The following CFAP299 variants were observed in gnomAD, a reference collection of about 807,000 sequenced individuals.
The protein encoded by CFAP299 is cilia- and flagella-associated protein 299.
Under a neutral mutation model 27.0 loss-of-function variants are expected in CFAP299, and 21 were observed. The ratio of observed to expected loss-of-function variants is 0.78; its 90% CI spans 0.55 to 1.12. The LOEUF is 1.12. Among genes scored for constraint, CFAP299 ranks in the 50% most tolerant of loss-of-function variants. The probability of loss-of-function intolerance (pLI) is 0.00; values close to 1 mark genes in which losing one functional copy is unlikely to be tolerated. For synonymous variants in CFAP299, 104 were observed against 98.1 expected, an observed-to-expected ratio of 1.06 and a Z score of -0.36; for missense variants, 310 against 276.6, an observed-to-expected ratio of 1.12 and a Z score of -0.86.
intron 5 of CFAP299, among the ~76,000 whole-genome samples, chr4:80,961,854 G>A (rs1164981733): frequency 6.6e-6 from 1 of 151,908 alleles, no homozygotes; most frequent in Non-Finnish European, 1.5e-5. Context: ...TGTCACACAA[G>A]GGGAATAAAT....
chr4:80,940,848 C>G (rs1034854282), intron 4 of CFAP299, among the ~76,000 whole-genome samples: 1 of 152,064 alleles, frequency 6.6e-6, no homozygotes, highest in Non-Finnish European at 1.5e-5. Context: ...AGGCCTAATT[C>G]AATTATTTTA....
chr4:80,327,704 A>G, the CFAP299 span, among the ~76,000 whole-genome samples: 1 of 135,204 alleles, frequency 7.4e-6, no homozygotes, highest in African/African-American at 3.1e-5. Flanking sequence ...ATATATATAT[A>G]TATATATATA....
At chr4:80,587,842 T>A (rs2109879707) in intron 3 of CFAP299, among the ~76,000 whole-genome samples, 1 of 152,310 alleles carries the variant, frequency 6.6e-6, no homozygotes, top group African/African-American at 2.4e-5. Flanking sequence ...TCCTCTTGCC[T>A]GGGCCTCCCA....
intron 5 of CFAP299, 57 bp from the exon 6 acceptor site, chr4:80,963,460 T>TTA: frequency 7.9e-7 from 1 of 1,272,082 alleles, no homozygotes; most frequent in Admixed American, 2.5e-5. Flanking sequence ...AAAAAAATTT[T>TTA]AAAAAAGGCC....
In CFAP299 at chr4:80,944,791, T is replaced by A; in HGVS notation, c.477-19T>A. 6.4e-7 allele frequency: 1 copy of A among 1,561,400 alleles called. No individual in the cohort carries two copies. The highest frequency in any genetic ancestry group is 2.3e-5 in the East Asian group (1 of 44,018). On this transcript the variant is annotated intron_variant, in intron 4 of 5. Transcript: ENST00000358105. ...ATGCATTATACATCTTAATTCCTAA[T>A]AAATGTTTATTTTTATAGCTTTTAC...
chr4:80,437,759 A>G (rs1199104673), intron 2 of CFAP299, among the ~76,000 whole-genome samples: 3 of 152,120 alleles, frequency 2.0e-5, no homozygotes, highest in Non-Finnish European at 4.4e-5. Flanking sequence ...ACCCATGGAG[A>G]ATTGCTTCCC....
chr4:80,791,033 A>G (rs1279486268), intron 3 of CFAP299, among the ~76,000 whole-genome samples: 4 of 152,080 alleles, frequency 2.6e-5, no homozygotes, highest in Non-Finnish European at 5.9e-5. Flanking sequence ...TTCTTCCCCT[A>G]ACATCCCCAC....
chr4:80,572,321 C>T (rs768604787), intron 2 of CFAP299, among the ~76,000 whole-genome samples: 7 of 151,854 alleles, frequency 4.6e-5, no homozygotes, highest in Non-Finnish European at 8.8e-5. Flanking sequence ...TTCCCCAGCC[C>T]AGCTATCCTT....
intron 4 of CFAP299, among the ~76,000 whole-genome samples, chr4:80,892,564 G>C (rs1734362338): frequency 6.6e-6 from 1 of 152,044 alleles, no homozygotes; most frequent in East Asian, 1.9e-4. Context: ...ACAAAGTGAA[G>C]TATGAGTCAA....
intron 2 of CFAP299, among the ~76,000 whole-genome samples, chr4:80,364,496 T>C (rs1041756470): frequency 3.3e-5 from 5 of 152,242 alleles, no homozygotes; most frequent in Non-Finnish European, 7.3e-5. Flanking sequence ...TAAGGACTTA[T>C]GTGATTACAC....
intron 2 of CFAP299, among the ~76,000 whole-genome samples, chr4:80,567,765 T>A (rs1293956863): frequency 1.3e-5 from 2 of 149,650 alleles, no homozygotes; most frequent in South Asian, 4.2e-4. Flanking sequence ...ACATAAGATT[T>A]TGTTGTTTAA....
chr4:80,503,095 A>G (rs1475998600), intron 2 of CFAP299, among the ~76,000 whole-genome samples: 1 of 152,126 alleles, frequency 6.6e-6, no homozygotes, highest in Non-Finnish European at 1.5e-5. Context: ...GCCTAAACTG[A>G]ACTTGTCAAA....
rs531003428 is a variant in CFAP299 at position 80,835,831 on chromosome 4, G to C, written c.334-34162G>C. 2.3e-4 allele frequency among the ~76,000 whole-genome samples: 35 copies of C among 152,274 alleles called. No homozygotes were observed. In the South Asian group the frequency reaches 7.0e-3, roughly 31 times the overall value. ...GGCAAATTTTTATAACAGCATTAGG[G>C]AGCAAGTGCACTAGCCTTAATTCCT... On this transcript the variant is annotated intron_variant, in intron 3 of 5. Transcript: ENST00000358105.
At chr4:80,554,263 T>C (rs746858394) in intron 2 of CFAP299, among the ~76,000 whole-genome samples, 4 of 152,178 alleles carry the variant, frequency 2.6e-5, no homozygotes, top group Non-Finnish European at 5.9e-5. Context: ...CCCCATTGCT[T>C]ATTTTTGTCA....
rs546688449 is a variant in CFAP299, at chr4:80,806,016, C to G, written c.334-63977C>G. Among the ~76,000 whole-genome samples, 6 of 152,282 alleles carry G rather than the reference C, an allele frequency of 3.9e-5. No homozygotes were observed. The East Asian group carries it at 1.2e-3, about 29-fold the overall frequency. On this transcript the variant is annotated intron_variant, in intron 3 of 5. Coordinates refer to ENST00000358105, the MANE Select transcript of CFAP299 (RefSeq NM_152770.3). ...TTAATAACATGTAAAATAATAATGA[C>G]TTAGCTATAAGAAAGATATCTTAAA...
intron 4 of CFAP299, among the ~76,000 whole-genome samples, chr4:80,894,595 T>A (rs574768114): frequency 2.6e-5 from 4 of 151,962 alleles, no homozygotes; most frequent in Admixed American, 6.6e-5. Context: ...GGTGGGAATA[T>A]GAATTGGTAC....
rs79437293 is a variant in CFAP299 at position 80,889,978 on chromosome 4, T to C, written c.476+19843T>C. Among the ~76,000 whole-genome samples, 1,222 of 152,158 alleles carry C rather than the reference T, an allele frequency of 8.0e-3. 5 individuals are homozygous for C. Among genetic ancestry groups the C allele is most frequent in the Middle Eastern group, 0.017 (5 of 294 alleles). ...TAGGAATAGAATGAACATACCTCAA[T>C]GTAATAAAACCCATATATGTCAGAT... On this transcript the variant is annotated intron_variant, in intron 4 of 5. Transcript: ENST00000358105.
rs115675640 is a variant in CFAP299, at chr4:80,528,679, G to A, written c.243-54414G>A. 1.1e-3 allele frequency among the ~76,000 whole-genome samples: 168 copies of A among 152,208 alleles called. 1 individual carries two copies. Among genetic ancestry groups the A allele is most frequent in the African/African-American group, 3.8e-3 (157 of 41,544 alleles). On this transcript the variant is annotated intron_variant, in intron 2 of 5. Coordinates refer to ENST00000358105, the MANE Select transcript of CFAP299 (RefSeq NM_152770.3). ...TCTTATACAACATTGGGTGAGAAGA[G>A]ACAAGGATCATTTCTGGGTTTTGGT...
intron 3 of CFAP299, among the ~76,000 whole-genome samples, chr4:80,652,725 T>C (rs1740367000): frequency 6.6e-6 from 1 of 152,110 alleles, no homozygotes; most frequent in African/African-American, 2.4e-5. Context: ...TTCTCATGTC[T>C]CTGTGCTGCC....
Sources: allele counts gnomAD v4.1 joint callset (sites outside exome capture counted in the v4.1 genomes callset), GRCh38; gene constraint gnomAD v4.1.1; transcripts MANE v1.5; gene names NCBI Gene and HGNC (gene_info 2026-07-23, HGNC 2026-07-21).